The following DCAF6 variants were observed in gnomAD, a reference collection of about 807,000 sequenced individuals.
DCAF6 encodes DDB1- and CUL4-associated factor 6.
A neutral mutation model predicts 125.1 loss-of-function variants in DCAF6; 54 were observed. That is an observed-to-expected ratio of 0.43 (90% CI 0.35 to 0.54). The LOEUF (loss-of-function observed/expected upper bound fraction) is 0.54, where lower values mean the gene tolerates loss of function less well. DCAF6 is among the 20% of genes least tolerant of loss of function. DCAF6 has a pLI of 0.01. For missense variants in DCAF6, 934 were observed against 1,161.7 expected, an observed-to-expected ratio of 0.80 and a Z score of 2.85; for synonymous variants, 371 against 390.4, an observed-to-expected ratio of 0.95 and a Z score of 0.58.
chr1:168,058,631 C>CG (rs1438444122), intron 17 of DCAF6, among the ~76,000 whole-genome samples: 2 of 152,064 alleles, frequency 1.3e-5, no homozygotes, highest in Non-Finnish European at 2.9e-5. Context: ...TGCAGTGGCA[C>CG]GATCTCAGTT....
At chr1:167,920,159 T>C in the DCAF6 span, 7 of 931,242 alleles carry the variant, frequency 7.5e-6, no homozygotes, top group South Asian at 6.3e-5. Flanking sequence ...ATACTTAATA[T>C]TGAGTAAAGT....
At chr1:168,037,391 A>G (rs890083972) in intron 12 of DCAF6, among the ~76,000 whole-genome samples, 4 of 152,194 alleles carry the variant, frequency 2.6e-5, no homozygotes, top group Admixed American at 1.3e-4. Context: ...GGTATCAAGG[A>G]AAAAGATATC....
At chr1:167,974,301 A>G (rs1677802446) in intron 3 of DCAF6, among the ~76,000 whole-genome samples, 1 of 152,202 alleles carries the variant, frequency 6.6e-6, no homozygotes, top group Admixed American at 6.5e-5. Flanking sequence ...AACAAATTAT[A>G]CAAATATTAA....
intron 7 of DCAF6, among the ~76,000 whole-genome samples, chr1:167,996,015 G>A (rs535141474): frequency 3.9e-5 from 6 of 152,290 alleles, no homozygotes; most frequent in Admixed American, 2.0e-4. Flanking sequence ...TTCTGTATAA[G>A]TAGAACAAAG....
intron 4 of DCAF6, 29 bp downstream of exon 4, chr1:167,975,044 ATATG>A (rs1221931428): frequency 7.1e-7 from 1 of 1,413,936 alleles, no homozygotes; most frequent in African/African-American, 1.5e-5. Context: ...TATATGATAT[ATATG>A]TAAGTATGTA....
chr1:167,951,843 T>C lies in DCAF6; in HGVS notation c.141T>C (p.Leu47=). The change falls in exon 2 of 22, where the codon CTT becomes CTC. Residue 47 remains leucine, a synonymous_variant. Transcript: ENST00000367840. Reference sequence around the variant, plus strand: ...AAAGATTAAAACTTGAAGCAACCCTTAATGTGCATGATGGTTGTGTAAGTA... The same window carrying C: ...AAAGATTAAAACTTGAAGCAACCCTCAATGTGCATGATGGTTGTGTAAGTA... ...FIQRLKLEAT[L]NVHDGCVNTI... is the part of the protein sequence containing the mutation. 2.5e-6 allele frequency: 4 copies of C among 1,606,856 alleles called. No individual in the cohort carries two copies. Among genetic ancestry groups the C allele is most frequent in the Non-Finnish European group, 3.4e-6 (4 of 1,173,914 alleles).
chr1:168,070,361 A>C (rs1692876740), intron 21 of DCAF6, among the ~76,000 whole-genome samples: 1 of 152,272 alleles, frequency 6.6e-6, no homozygotes, highest in South Asian at 2.1e-4. Flanking sequence ...AGTGTCCTGC[A>C]GTCCAAATAC....
chr1:167,904,073 G>C, the DCAF6 span: 1 of 834,632 alleles, frequency 1.2e-6, no homozygotes, highest in South Asian at 1.5e-5. Flanking sequence ...GGAAGGCAGC[G>C]GGCCTCAGCT....
the DCAF6 span, among the ~76,000 whole-genome samples, chr1:167,921,930 T>A: frequency 6.6e-6 from 1 of 152,214 alleles, no homozygotes; most frequent in East Asian, 1.9e-4. Context: ...GATTATCCAC[T>A]TTGACCTTTA....
intron 17 of DCAF6, among the ~76,000 whole-genome samples, chr1:168,051,314 G>A (rs938239003): frequency 4.6e-5 from 7 of 152,272 alleles, no homozygotes; most frequent in African/African-American, 1.7e-4. Flanking sequence ...ATTCGTATAT[G>A]CTCCTTTTCC....
the DCAF6 span, chr1:167,894,049 T>C: frequency 1.3e-6 from 1 of 761,584 alleles, no homozygotes; most frequent in Non-Finnish European, 2.3e-6. Flanking sequence ...GGCCTTCTTG[T>C]CCTTACAGTT....
chr1:167,875,183 C>G, the DCAF6 span: 3 of 1,614,104 alleles, frequency 1.9e-6, no homozygotes, highest in Non-Finnish European at 1.7e-6. Flanking sequence ...CCATACCAAA[C>G]ATGCTGAAGA....
the DCAF6 span, among the ~76,000 whole-genome samples, chr1:167,889,335 A>G: frequency 5.3e-5 from 8 of 152,260 alleles, no homozygotes; most frequent in African/African-American, 1.9e-4. Context: ...AAATGATAAT[A>G]TGGTTTTTGT....
At chr1:167,885,550 T>C in the DCAF6 span, among the ~76,000 whole-genome samples, 5 of 152,238 alleles carry the variant, frequency 3.3e-5, no homozygotes, top group Admixed American at 1.3e-4. Context: ...GGTGATGTTG[T>C]GCACCTTTTC....
intron 2 of DCAF6, among the ~76,000 whole-genome samples, chr1:167,962,311 A>T (rs1675733251): frequency 6.6e-6 from 1 of 151,996 alleles, no homozygotes; most frequent in Non-Finnish European, 1.5e-5. Flanking sequence ...GTATCATACT[A>T]GATTCATCTG....
chr1:167,874,815 T>C, the DCAF6 span, among the ~76,000 whole-genome samples: 2,429 of 152,246 alleles, frequency 0.016, 27 homozygotes, highest in East Asian at 0.075. Flanking sequence ...CACCCAACAA[T>C]ATGGATGAAT....
intron 1 of DCAF6, among the ~76,000 whole-genome samples, chr1:167,945,628 A>C (rs1672953915): frequency 6.6e-6 from 1 of 152,078 alleles, no homozygotes; most frequent in South Asian, 2.1e-4. Context: ...AGTAGCTGGG[A>C]CTACAAGTGC....
At chr1:168,047,872 A>G (rs575475819) in intron 16 of DCAF6, among the ~76,000 whole-genome samples, 23 of 152,096 alleles carry the variant, frequency 1.5e-4, no homozygotes, top group Non-Finnish European at 2.9e-4. Context: ...TAAATCGGTT[A>G]TTATAATTCT....
intron 10 of DCAF6, among the ~76,000 whole-genome samples, chr1:168,005,947 A>T (rs114403535): frequency 0.01 from 1,587 of 152,234 alleles, 33 homozygotes; most frequent in African/African-American, 0.035. Flanking sequence ...AATATTTTGG[A>T]AGATTTGGGA....
Sources: gnomAD v4.1 joint callset for allele counts (sites outside exome capture counted in the v4.1 genomes callset) on GRCh38, gnomAD v4.1.1 for gene constraint, MANE v1.5 for transcripts, NCBI Gene and HGNC (gene_info 2026-07-23, HGNC 2026-07-21) for gene names.